GRIK2: variants seen among roughly 807,000 people sequenced by gnomAD.
The protein encoded by GRIK2 is glutamate receptor ionotropic, kainate 2.
Under a neutral mutation model 100.3 loss-of-function variants are expected in GRIK2, and 32 were observed. The ratio of observed to expected loss-of-function variants is 0.32; its 90% CI spans 0.24 to 0.43. The LOEUF is 0.43. Ranked by LOEUF, GRIK2 falls within the 20% of genes least tolerant of loss-of-function variation. The probability of loss-of-function intolerance (pLI) is 1.00; values close to 1 mark genes in which losing one functional copy is unlikely to be tolerated. For missense variants in GRIK2, 843 were observed against 1,114.9 expected (o/e 0.76, Z 3.47); for synonymous variants, 417 against 389.4 (o/e 1.07, Z -0.83).
At chr6:101,879,860 G>A (rs1755643179) in intron 11 of GRIK2, among the ~76,000 whole-genome samples, 1 of 151,750 alleles carries the variant, frequency 6.6e-6, no homozygotes, top group South Asian at 2.1e-4. Flanking sequence ...GAGGTCTCAC[G>A]ATTTCAAGCA....
At chr6:101,701,917 T>C (rs940676646) in intron 7 of GRIK2, among the ~76,000 whole-genome samples, 4 of 152,064 alleles carry the variant, frequency 2.6e-5, no homozygotes, top group African/African-American at 9.7e-5. Context: ...TTAACCCACC[T>C]TCCCCTAACC....
At chr6:101,929,293 G>C (rs1334481917) in intron 14 of GRIK2, among the ~76,000 whole-genome samples, 1 of 152,082 alleles carries the variant, frequency 6.6e-6, no homozygotes, top group African/African-American at 2.4e-5. Flanking sequence ...TACTCACTGG[G>C]CCAAAGTAGA....
intron 2 of GRIK2, among the ~76,000 whole-genome samples, chr6:101,404,878 T>G (rs1562113999): frequency 6.6e-6 from 1 of 152,220 alleles, no homozygotes; most frequent in Non-Finnish European, 1.5e-5. Flanking sequence ...TCATCATTAT[T>G]GACTAGTCTA....
At chr6:101,824,826 C>G (rs551713896) in intron 10 of GRIK2, among the ~76,000 whole-genome samples, 6 of 152,226 alleles carry the variant, frequency 3.9e-5, no homozygotes, top group Non-Finnish European at 8.8e-5. Flanking sequence ...GCTTGTAAAG[C>G]TTTTGTGTCA....
intron 4 of GRIK2, among the ~76,000 whole-genome samples, chr6:101,674,236 AAGAAGG>A (rs1770658070): frequency 6.6e-6 from 1 of 152,142 alleles, no homozygotes; most frequent in Admixed American, 6.5e-5. Flanking sequence ...TTTTATGACC[AAGAAGG>A]TCATCTGGGA....
intron 4 of GRIK2, among the ~76,000 whole-genome samples, chr6:101,672,040 G>C (rs1219093813): frequency 6.6e-6 from 1 of 152,086 alleles, no homozygotes; most frequent in Non-Finnish European, 1.5e-5. Context: ...ATCGATTAGA[G>C]AGGGGCTGAT....
intron 14 of GRIK2, among the ~76,000 whole-genome samples, chr6:101,962,799 A>G (rs943302042): frequency 2.6e-5 from 4 of 152,118 alleles, no homozygotes; most frequent in African/African-American, 9.6e-5. Context: ...ATATAACTAT[A>G]AAATATATTT....
chr6:101,823,833 G>T (rs1259448202), intron 10 of GRIK2, among the ~76,000 whole-genome samples: 2 of 149,876 alleles, frequency 1.3e-5, no homozygotes, highest in Non-Finnish European at 3.0e-5. Flanking sequence ...CGGGGGAACA[G>T]GTGATGTTTG....
chr6:101,645,966 C>G (rs1328183259), intron 4 of GRIK2, among the ~76,000 whole-genome samples: 1 of 151,836 alleles, frequency 6.6e-6, no homozygotes, highest in African/African-American at 2.4e-5. Flanking sequence ...GTGATAAATT[C>G]TATCGCCACC....
intron 12 of GRIK2, among the ~76,000 whole-genome samples, chr6:101,923,864 T>C (rs1481470888): frequency 7.0e-6 from 1 of 142,262 alleles, no homozygotes; most frequent in East Asian, 2.1e-4. Context: ...GAGGTTGCAG[T>C]GAGCCGAGAT....
At chr6:101,541,342 C>A (rs2518217) in intron 2 of GRIK2, among the ~76,000 whole-genome samples, 150,392 of 150,396 alleles carry the variant, frequency 1, 75,194 homozygotes, top group Middle Eastern at 1. Context: ...GCCCAAAGGA[C>A]CGGGTAACAG....
intron 2 of GRIK2, among the ~76,000 whole-genome samples, chr6:101,494,959 C>CTA (rs1773347565): frequency 1.3e-5 from 1 of 76,598 alleles, no homozygotes; most frequent in Non-Finnish European, 2.6e-5. Context: ...AAAGTAATAC[C>CTA]TATATATGCA....
chr6:101,509,597 C>A (rs893473796), intron 2 of GRIK2, among the ~76,000 whole-genome samples: 5 of 152,150 alleles, frequency 3.3e-5, no homozygotes, highest in Non-Finnish European at 7.3e-5. Flanking sequence ...GATGGAATTT[C>A]TGCCTGGAAA....
At chr6:101,398,769 C>T in intron 1 of GRIK2, 1 of 366,718 alleles carries the variant, frequency 2.7e-6, no homozygotes. Flanking sequence ...GGGGAGCTCA[C>T]TGGCCGGGAG....
chr6:101,505,874 C>T lies in GRIK2; in HGVS notation c.115+106482C>T, dbSNP rs1010434282. The stretch of plus-strand genomic sequence containing the variant: ...GATCTCTAATCATTCCCATAAGAAA[C>T]GTTTTTTTAAAAAGCTAAATACATT... On this transcript the variant is annotated intron_variant, in intron 2 of 16. Coordinates refer to ENST00000369134, the MANE Select transcript of GRIK2 (RefSeq NM_021956.5). 4.7e-5 allele frequency among the ~76,000 whole-genome samples: 7 copies of T among 150,498 alleles called. No homozygotes were observed. The East Asian group carries it at 1.4e-3, about 29-fold the overall frequency.
intron 2 of GRIK2, among the ~76,000 whole-genome samples, chr6:101,534,365 A>G (rs1408416853): frequency 1.3e-5 from 2 of 152,042 alleles, no homozygotes; most frequent in Admixed American, 1.3e-4. Flanking sequence ...TTGAGGAAGT[A>G]AATAACTTTT....
intron 7 of GRIK2, among the ~76,000 whole-genome samples, chr6:101,719,743 A>G (rs769614844): frequency 7.9e-5 from 12 of 152,022 alleles, no homozygotes; most frequent in Non-Finnish European, 1.6e-4. Flanking sequence ...CCCCTCTGCC[A>G]GATAACAGCT....
intron 14 of GRIK2, among the ~76,000 whole-genome samples, chr6:101,954,996 T>C (rs1791825147): frequency 6.6e-6 from 1 of 152,128 alleles, no homozygotes; most frequent in African/African-American, 2.4e-5. Context: ...TAAAATATAT[T>C]ATATTTATTT....
intron 2 of GRIK2, among the ~76,000 whole-genome samples, chr6:101,440,378 T>A (rs998566087): frequency 2.6e-5 from 4 of 152,218 alleles, no homozygotes; most frequent in African/African-American, 9.6e-5. Context: ...GTGCATTAAG[T>A]TAATCAGTTA....
Sources: gnomAD v4.1 joint callset for allele counts (sites outside exome capture counted in the v4.1 genomes callset) on GRCh38, gnomAD v4.1.1 for gene constraint, MANE v1.5 for transcripts, NCBI Gene and HGNC (gene_info 2026-07-23, HGNC 2026-07-21) for gene names.